CTSC: variants seen among roughly 807,000 people sequenced by gnomAD.
CTSC encodes the protein dipeptidyl peptidase 1.
A neutral mutation model predicts 40.9 loss-of-function variants in CTSC; 37 were observed. The observed-to-expected ratio is 0.91, with a 90% CI of 0.70 to 1.19. CTSC has a LOEUF of 1.19. CTSC is among the 50% of genes most tolerant of loss of function. The pLI is 0.00. For synonymous variants in CTSC, 232 were observed against 207.4 expected (o/e 1.12, Z -1.02); for missense variants, 594 against 567.3 (o/e 1.05, Z -0.48).
chr11:88,335,931 C>T (rs1288236965), intron 1 of CTSC, among the ~76,000 whole-genome samples: 5 of 152,228 alleles, frequency 3.3e-5, no homozygotes, highest in East Asian at 1.9e-4. Context: ...AATCTGAATC[C>T]TTCCAAAGTT....
At chr11:88,322,117 G>C (rs1938032200) in intron 2 of CTSC, 4 of 152,004 alleles carry the variant, frequency 2.6e-5, no homozygotes, top group Non-Finnish European at 4.4e-5. Flanking sequence ...TTGTAAATTT[G>C]TTAAGTTCCT....
chr11:88,314,503 C>T (rs1937833230), intron 2 of CTSC, among the ~76,000 whole-genome samples: 1 of 152,102 alleles, frequency 6.6e-6, no homozygotes, highest in Non-Finnish European at 1.5e-5. Flanking sequence ...ATATCCGCAT[C>T]TTGCTTTTAT....
intron 2 of CTSC, among the ~76,000 whole-genome samples, chr11:88,333,200 T>C (rs539416605): frequency 1.3e-5 from 2 of 152,380 alleles, no homozygotes; most frequent in African/African-American, 4.8e-5. Flanking sequence ...ATAATGATTT[T>C]AGAAGTTTCC....
At chr11:88,317,982 C>T (rs968674719) in intron 2 of CTSC, among the ~76,000 whole-genome samples, 9 of 152,172 alleles carry the variant, frequency 5.9e-5, no homozygotes, top group Non-Finnish European at 8.8e-5. Flanking sequence ...TCTTCAATTT[C>T]CCACTCATTT....
At chr11:88,334,088 T>C (rs1938430287) in intron 2 of CTSC, among the ~76,000 whole-genome samples, 1 of 152,230 alleles carries the variant, frequency 6.6e-6, no homozygotes, top group East Asian at 1.9e-4. Context: ...TATTCCCTAC[T>C]TTCCCACTTC....
chr11:88,300,885 A>T lies in CTSC; in HGVS notation c.642-240T>A, dbSNP rs144951351. On this transcript the variant is annotated intron_variant, in intron 4 of 6. Coordinates refer to ENST00000227266, the MANE Select transcript of CTSC (RefSeq NM_001814.6). ...ATTGATAATTTTCCTTTGTGAAATG[A>T]CACTGGTTTTGTATATCACTGTGAT... Among the ~76,000 whole-genome samples the T allele has an allele frequency of 5.9e-5, 9 of 152,164 alleles. No homozygotes were observed. The East Asian group carries it at 1.2e-3, about 20-fold the overall frequency.
At position 88,296,543 on chromosome 11, in the gene CTSC, C is replaced by T. The variant is rs148006291; in HGVS notation, c.758-279G>A. ...AAAACCCCTCATAATTTCTGAGAAG[C>T]TTTTGGCAATATTCTTGATAATGAT... is the stretch of plus-strand genomic sequence containing the variant. On this transcript the variant is annotated intron_variant, in intron 5 of 6. Coordinates refer to ENST00000227266, the MANE Select transcript of CTSC (RefSeq NM_001814.6). The T allele has an allele frequency of 8.2e-3, 3,164 of 386,026 alleles. 24 individuals are homozygous for T. Among genetic ancestry groups the T allele is most frequent in the Non-Finnish European group, 0.011 (2,221 of 202,742 alleles). The allele number at this position is 386,026 out of a possible 1,614,324, so 23.9% of individuals were successfully genotyped here. A position where few individuals can be genotyped will look rare whatever the true frequency, so the allele number is the denominator to read the frequency against.
chr11:88,316,969 AT>A lies in CTSC; in HGVS notation c.319-4416del, dbSNP rs1248755301. Reference sequence around the variant, plus strand: ...AATCCTTATATCTGTGGTTGTCTTAATTTTTTTTTTTTTTCAAGATGGAGTC... The same window carrying A: ...AATCCTTATATCTGTGGTTGTCTTAATTTTTTTTTTTTTCAAGATGGAGTC... On this transcript the variant is annotated intron_variant, in intron 2 of 6. Coordinates refer to ENST00000227266, the MANE Select transcript of CTSC (RefSeq NM_001814.6). Among the ~76,000 whole-genome samples the A allele has an allele frequency of 3.0e-3, 432 of 144,192 alleles. 1 individual carries two copies. Among genetic ancestry groups the A allele is most frequent in the South Asian group, 0.016 (72 of 4,568 alleles). The allele number at this position is 144,192 out of a possible 152,430, so 94.6% of individuals were successfully genotyped here.
At chr11:88,332,290 GCTTT>G (rs543842549) in intron 2 of CTSC, among the ~76,000 whole-genome samples, 4 of 152,160 alleles carry the variant, frequency 2.6e-5, no homozygotes, top group Non-Finnish European at 4.4e-5. Context: ...TGTAAAAGAT[GCTTT>G]CTAATTCTAT....
At chr11:88,332,140 G>T (rs1938378233) in intron 2 of CTSC, among the ~76,000 whole-genome samples, 1 of 152,196 alleles carries the variant, frequency 6.6e-6, no homozygotes, top group Non-Finnish European at 1.5e-5. Flanking sequence ...AACAACGATG[G>T]CAGGTAAGCA....
Position 88,326,525 on chromosome 11 carries a change from G to C in CTSC, c.318+8412C>G, listed in dbSNP as rs878875277. On this transcript the variant is annotated intron_variant, in intron 2 of 6. Coordinates refer to ENST00000227266, the MANE Select transcript of CTSC (RefSeq NM_001814.6). ...TATTTAATCATATCAGTTTCTTTAA[G>C]TAAAAAAAAAAAAAAATACCAGCAC... 14 of 681,522 alleles carry C rather than the reference G, an allele frequency of 2.1e-5. No homozygotes were observed. The East Asian group carries it at 3.6e-4, about 18-fold the overall frequency. The allele number at this position is 681,522 out of a possible 1,614,324, so 42.2% of individuals were successfully genotyped here.
intron 1 of CTSC, among the ~76,000 whole-genome samples, chr11:88,337,093 C>T (rs1199322943): frequency 6.6e-6 from 1 of 152,072 alleles, no homozygotes; most frequent in African/African-American, 2.4e-5. Flanking sequence ...ATGCTATATC[C>T]TCGAGAGTCT....
chr11:88,299,760 T>G (rs1944337943), intron 5 of CTSC: 1 of 152,194 alleles, frequency 6.6e-6, no homozygotes, highest in African/African-American at 2.4e-5. Flanking sequence ...CAGCCATGGG[T>G]AGTATTATCT....
chr11:88,337,444 G>T, intron 1 of CTSC, 57 bp downstream of exon 1: 3 of 1,520,624 alleles, frequency 2.0e-6, no homozygotes, highest in Non-Finnish European at 1.8e-6. Flanking sequence ...GTGGCGCTGC[G>T]TTAGGGGCTC....
intron 2 of CTSC, chr11:88,324,805 G>A (rs905044807): frequency 5.1e-6 from 5 of 985,166 alleles, no homozygotes; most frequent in Admixed American, 6.2e-5. Flanking sequence ...AAGGTCCTGA[G>A]TGATAAAGAA....
intron 5 of CTSC, 82 bp from the exon 6 acceptor site, chr11:88,296,346 T>C (rs1944298921): frequency 7.9e-6 from 12 of 1,526,298 alleles, no homozygotes; most frequent in African/African-American, 2.7e-5. Context: ...GTGAATCACA[T>C]ACATTAATGT....
intron 5 of CTSC, chr11:88,298,500 G>A (rs1207293594): frequency 6.6e-6 from 1 of 152,136 alleles, no homozygotes; most frequent in African/African-American, 2.4e-5. Flanking sequence ...CTTAATTGCA[G>A]CTAATTCTGA....
chr11:88,335,899 G>A (rs1240376685), intron 1 of CTSC, among the ~76,000 whole-genome samples: 1 of 152,112 alleles, frequency 6.6e-6, no homozygotes, highest in Non-Finnish European at 1.5e-5. Context: ...CTCCTCAAAG[G>A]CTCTACAGTT....
intron 2 of CTSC, chr11:88,328,253 T>C (rs961071675): frequency 3.3e-6 from 4 of 1,228,714 alleles, no homozygotes; most frequent in African/African-American, 3.0e-5. Flanking sequence ...AGCATCATCA[T>C]GAAAGAAGAC....
Sources: gnomAD v4.1 joint callset for allele counts (sites outside exome capture counted in the v4.1 genomes callset) on GRCh38, gnomAD v4.1.1 for gene constraint, MANE v1.5 for transcripts, NCBI Gene and HGNC (gene_info 2026-07-23, HGNC 2026-07-21) for gene names.